The following TMTC2 variants were observed in gnomAD, a reference collection of about 807,000 sequenced individuals.
TMTC2 encodes transmembrane O-mannosyltransferase targeting cadherins 2.
TMTC2 carries 43 observed loss-of-function variants against 82.4 expected under a neutral mutation model. The observed-to-expected ratio is 0.52, with a 90% CI of 0.41 to 0.67. TMTC2 has a LOEUF of 0.67. Among genes scored for constraint, TMTC2 ranks in the 30% least tolerant of loss-of-function variants. The pLI is 0.00. For synonymous variants in TMTC2, 408 were observed against 381.9 expected (o/e 1.07, Z -0.80); for missense variants, 919 against 1,012.4 (o/e 0.91, Z 1.25).
intron 11 of TMTC2, among the ~76,000 whole-genome samples, chr12:83,119,307 C>T (rs1417139193): frequency 2.0e-5 from 3 of 152,128 alleles, no homozygotes; most frequent in Non-Finnish European, 4.4e-5. Flanking sequence ...CTTAGCAGCA[C>T]CTTTGCTGTA....
intron 1 of TMTC2, among the ~76,000 whole-genome samples, chr12:82,712,289 GC>G: frequency 6.6e-6 from 1 of 152,146 alleles, no homozygotes; most frequent in Admixed American, 6.5e-5. Flanking sequence ...AATTAGCTGG[GC>G]GTGGTGGCAC....
chr12:82,755,045 C>T (rs1190523935), intron 1 of TMTC2, among the ~76,000 whole-genome samples: 2 of 152,238 alleles, frequency 1.3e-5, no homozygotes, highest in Non-Finnish European at 2.9e-5. Context: ...AATCAAAGTT[C>T]ATCTGTATAC....
At position 82,738,162 on chromosome 12, in the gene TMTC2, C is replaced by T. The variant is rs556154384; in HGVS notation, c.83+50493C>T. 2.6e-5 allele frequency among the ~76,000 whole-genome samples: 4 copies of T among 152,182 alleles called. No homozygotes were observed. The South Asian group carries it at 8.3e-4, about 32-fold the overall frequency. On this transcript the variant is annotated intron_variant, in intron 1 of 11. Coordinates refer to ENST00000321196, the MANE Select transcript of TMTC2 (RefSeq NM_152588.3). ...AATTAGGTAATTTTTTTATTCTGTT[C>T]ATTTGCAAGCTTGAAAAGGACCAAT... is the stretch of plus-strand genomic sequence containing the variant.
At position 83,055,000 on chromosome 12, in the gene TMTC2, G is replaced by A. The variant is rs534058030; in HGVS notation, c.2267+3982G>A. On this transcript the variant is annotated intron_variant, in intron 10 of 11. Transcript: ENST00000321196. Reference sequence around the variant, plus strand: ...ACAGACTCTACCAGTGGGGTTGGGAGCTCTACTCTACACAGCTAGGAATAA... The same window carrying A: ...ACAGACTCTACCAGTGGGGTTGGGAACTCTACTCTACACAGCTAGGAATAA... 2.0e-5 allele frequency among the ~76,000 whole-genome samples: 3 copies of A among 152,152 alleles called. No homozygotes were observed. The East Asian group carries it at 5.8e-4, about 29-fold the overall frequency.
At chr12:82,716,365 T>C (rs1873898234) in intron 1 of TMTC2, among the ~76,000 whole-genome samples, 1 of 150,342 alleles carries the variant, frequency 6.7e-6, no homozygotes, top group Non-Finnish European at 1.5e-5. Flanking sequence ...TGGTACATTT[T>C]TTTTTTTTTT....
intron 3 of TMTC2, among the ~76,000 whole-genome samples, chr12:82,910,092 C>T (rs1416117355): frequency 6.6e-6 from 1 of 152,086 alleles, no homozygotes; most frequent in Non-Finnish European, 1.5e-5. Context: ...TAGTTTTAGC[C>T]TTATCACGCA....
At chr12:82,824,061 T>C (rs890987457) in intron 1 of TMTC2, among the ~76,000 whole-genome samples, 1 of 152,082 alleles carries the variant, frequency 6.6e-6, no homozygotes, top group Non-Finnish European at 1.5e-5. Flanking sequence ...GCCCAGCTAA[T>C]TTTTGTATTT....
intron 4 of TMTC2, among the ~76,000 whole-genome samples, chr12:82,937,750 GTATATATATATATATATATATATATA>G (rs1162321741): frequency 3.8e-5 from 4 of 106,042 alleles, no homozygotes; most frequent in African/African-American, 9.7e-5. Context: ...GTGTGTGTGT[GTATATATATATATATATATATATATA>G]TATATATATA....
intron 2 of TMTC2, among the ~76,000 whole-genome samples, chr12:82,884,344 G>A (rs1872982664): frequency 6.6e-6 from 1 of 152,198 alleles, no homozygotes; most frequent in Admixed American, 6.5e-5. Flanking sequence ...TAGAGTGTCA[G>A]ACAAAAACCA....
intron 10 of TMTC2, among the ~76,000 whole-genome samples, chr12:83,058,060 T>G (rs1210621738): frequency 6.6e-6 from 1 of 151,868 alleles, no homozygotes; most frequent in African/African-American, 2.4e-5. Flanking sequence ...ACTTTCTCTT[T>G]ACATCTTTCT....
At chr12:83,032,257 T>TATATATA (rs1881460375) in intron 9 of TMTC2, among the ~76,000 whole-genome samples, 1 of 130,858 alleles carries the variant, frequency 7.6e-6, no homozygotes, top group Non-Finnish European at 1.6e-5. Context: ...AGAGAATATT[T>TATATATA]TATATATATA....
At chr12:82,762,624 A>G (rs976242067) in intron 1 of TMTC2, among the ~76,000 whole-genome samples, 1 of 152,188 alleles carries the variant, frequency 6.6e-6, no homozygotes. Flanking sequence ...AGAGAATGCA[A>G]ACGGTACCAG....
At chr12:82,947,989 C>T (rs1215444893) in intron 4 of TMTC2, among the ~76,000 whole-genome samples, 2 of 152,124 alleles carry the variant, frequency 1.3e-5, no homozygotes, top group Admixed American at 6.5e-5. Flanking sequence ...ATGAATTGCT[C>T]CTCATTCTCT....
At chr12:82,697,278 A>T (rs1872853578) in intron 1 of TMTC2, among the ~76,000 whole-genome samples, 1 of 149,456 alleles carries the variant, frequency 6.7e-6, no homozygotes, top group Admixed American at 6.7e-5. Context: ...TGGTGAGCAG[A>T]GAATGCAGTA....
chr12:83,090,939 A>G (rs1296820091), intron 11 of TMTC2, among the ~76,000 whole-genome samples: 2 of 152,176 alleles, frequency 1.3e-5, no homozygotes, highest in Non-Finnish European at 1.5e-5. Context: ...ATTGCTTTCA[A>G]TATATAAATT....
intron 1 of TMTC2, among the ~76,000 whole-genome samples, chr12:82,693,992 G>T (rs910642483): frequency 7.0e-6 from 1 of 142,142 alleles, no homozygotes; most frequent in Admixed American, 7.1e-5. Flanking sequence ...AAAAAAAAAA[G>T]GTGTAAATGT....
At chr12:82,898,329 T>C (rs1721518668) in intron 3 of TMTC2, among the ~76,000 whole-genome samples, 1 of 152,216 alleles carries the variant, frequency 6.6e-6, no homozygotes. Context: ...AGATGTAAGG[T>C]TATAGAATAA....
chr12:82,910,967 A>G (rs1214024071), intron 3 of TMTC2, among the ~76,000 whole-genome samples: 8 of 149,542 alleles, frequency 5.3e-5, no homozygotes. Context: ...TGCAACCTCC[A>G]CCACCCGGTT....
At chr12:82,895,430 G>C (rs1010897503) in intron 2 of TMTC2, among the ~76,000 whole-genome samples, 1 of 152,068 alleles carries the variant, frequency 6.6e-6, no homozygotes, top group African/African-American at 2.4e-5. Flanking sequence ...CAGTTATTAG[G>C]TGCCTTTATC....
Sources: gnomAD v4.1 joint callset for allele counts (sites outside exome capture counted in the v4.1 genomes callset) on GRCh38, gnomAD v4.1.1 for gene constraint, MANE v1.5 for transcripts, NCBI Gene and HGNC (gene_info 2026-07-23, HGNC 2026-07-21) for gene names.